MCU: variants seen among roughly 807,000 people sequenced by gnomAD.
The protein encoded by MCU is calcium uniporter protein, mitochondrial.
A neutral mutation model predicts 45.2 loss-of-function variants in MCU; 12 were observed. The ratio of observed to expected loss-of-function variants is 0.27; its 90% confidence interval spans 0.17 to 0.43. The LOEUF is 0.43. Ranked by LOEUF, MCU falls within the 20% of genes least tolerant of loss-of-function variation. The probability of loss-of-function intolerance (pLI) is 1.00; values close to 1 mark genes in which losing one functional copy is unlikely to be tolerated. For synonymous variants in MCU, 160 were observed against 165.1 expected (o/e 0.97, Z 0.24); for missense variants, 324 against 436.7 (o/e 0.74, Z 2.30).
At chr10:72,789,781 T>C (rs117141983) in intron 1 of MCU, among the ~76,000 whole-genome samples, 2,154 of 152,322 alleles carry the variant, frequency 0.014, 26 homozygotes, top group Middle Eastern at 0.041. Flanking sequence ...TCTTAATCTT[T>C]GTAACCTTCC....
chr10:72,876,741 AGGT>A (rs1467098901), intron 6 of MCU, among the ~76,000 whole-genome samples: 6 of 152,194 alleles, frequency 3.9e-5, no homozygotes, highest in Admixed American at 6.5e-5. Context: ...TTCCAAGAAG[AGGT>A]GGCATTTTCC....
Position 72,742,138 on chromosome 10 carries a change from A to AT in MCU, c.150+49838dup, listed in dbSNP as rs569113373. ...TACTGTACCTTTTCTATGTTTAGAT[A>AT]TGCCAATATTTACCATTGTTTTACA... is the stretch of plus-strand genomic sequence containing the variant. On this transcript the variant is annotated intron_variant, in intron 1 of 7. Transcript: ENST00000373053. Among the ~76,000 whole-genome samples, 165 of 151,888 alleles carry AT rather than the reference A, an allele frequency of 1.1e-3. 1 individual carries two copies. The highest frequency in any genetic ancestry group is 3.8e-3 in the African/African-American group (157 of 41,442).
At chr10:72,702,848 G>A (rs774330377) in intron 1 of MCU, among the ~76,000 whole-genome samples, 4 of 152,046 alleles carry the variant, frequency 2.6e-5, no homozygotes. Context: ...GTGTGGTGGT[G>A]TGCGCCTGTA....
chr10:72,816,013 T>C lies in MCU; in HGVS notation c.151-18346T>C, dbSNP rs371242991. 5.3e-5 allele frequency among the ~76,000 whole-genome samples: 8 copies of C among 152,234 alleles called. No individual in the cohort carries two copies. In the South Asian group the frequency reaches 1.5e-3, roughly 28 times the overall value. The stretch of plus-strand genomic sequence containing the variant: ...GGCCAACATGGTGAAACCCCATCTC[T>C]ATTAAAAATACAAAAATATATGGTG... On this transcript the variant is annotated intron_variant, in intron 1 of 7. Coordinates refer to ENST00000373053, the MANE Select transcript of MCU (RefSeq NM_138357.3).
chr10:72,692,765 C>G, intron 1 of MCU: 1 of 1,365,288 alleles, frequency 7.3e-7, no homozygotes, highest in Non-Finnish European at 9.4e-7. Flanking sequence ...TGCCATGCTG[C>G]TGGGAGCTGC....
intron 5 of MCU, 145 bp downstream of exon 5, chr10:72,869,008 G>A: frequency 1.2e-6 from 1 of 833,896 alleles, no homozygotes; most frequent in Non-Finnish European, 1.8e-6. Context: ...CCATAAAAAA[G>A]TTTAAGTCAA....
chr10:72,854,721 C>T (rs1845261039), intron 2 of MCU, among the ~76,000 whole-genome samples: 1 of 152,110 alleles, frequency 6.6e-6, no homozygotes, highest in Non-Finnish European at 1.5e-5. Flanking sequence ...GGTTGGCGAC[C>T]CCCTAACCTA....
intron 6 of MCU, among the ~76,000 whole-genome samples, chr10:72,877,154 C>G (rs1232575033): frequency 1.3e-5 from 2 of 152,106 alleles, no homozygotes. Flanking sequence ...CTCCTGAGCT[C>G]CAGTGATCCT....
intron 1 of MCU, among the ~76,000 whole-genome samples, chr10:72,824,197 CT>C (rs35710019): frequency 0.46 from 62,768 of 135,076 alleles, 16,189 homozygotes; most frequent in Non-Finnish European, 0.64. Flanking sequence ...TGATTTCTTT[CT>C]TTTTTTTTTT....
chr10:72,859,246 G>C lies in MCU; in HGVS notation c.290G>C (p.Cys97Ser). ...AGGCTACCATCCCGGCGTGAACGCT[G>C]TCAGTTCACACTCAAGCCTATCTCT... Reference protein sequence around the residue: ...SVRLPSRRERCQFTLKPISDS... With the variant: ...SVRLPSRRERSQFTLKPISDS... Residue 97 changes from cysteine to serine, a missense_variant, in exon 3 of 8, where the codon TGT becomes TCT. Around this residue, in one of 4 missense-constraint regions of MCU, gnomAD observed 135 missense variants for 207.3 expected, o/e 0.65. Transcript: ENST00000373053. 3 of 1,613,156 alleles carry C rather than the reference G, an allele frequency of 1.9e-6. No individual in the cohort carries two copies. The highest frequency in any genetic ancestry group is 1.7e-5 in the Admixed American group (1 of 59,778).
chr10:72,845,258 A>T (rs903297432), intron 2 of MCU, among the ~76,000 whole-genome samples: 1 of 152,184 alleles, frequency 6.6e-6, no homozygotes, highest in African/African-American at 2.4e-5. Flanking sequence ...TAAGTTCCAG[A>T]TGAATTAAGG....
chr10:72,701,583 G>C (rs1443740145), intron 1 of MCU, among the ~76,000 whole-genome samples: 3 of 152,134 alleles, frequency 2.0e-5, no homozygotes, highest in African/African-American at 7.2e-5. Flanking sequence ...CTGGAGTGCA[G>C]TGGTGCGATC....
intron 2 of MCU, among the ~76,000 whole-genome samples, chr10:72,841,507 A>G (rs1191382923): frequency 6.6e-6 from 1 of 152,128 alleles, no homozygotes; most frequent in Non-Finnish European, 1.5e-5. Context: ...CGTGTTGGCC[A>G]GGCTGTTCTC....
chr10:72,790,525 T>C (rs1249241227), intron 1 of MCU, among the ~76,000 whole-genome samples: 1 of 152,232 alleles, frequency 6.6e-6, no homozygotes, highest in African/African-American at 2.4e-5. Context: ...GACTGCAACA[T>C]AATTCTGATG....
chr10:72,854,310 T>C (rs1845254557), intron 2 of MCU, among the ~76,000 whole-genome samples: 2 of 151,674 alleles, frequency 1.3e-5, no homozygotes, highest in Non-Finnish European at 2.9e-5. Context: ...AGTAAAAGTT[T>C]TAAAAAGGCA....
chr10:72,809,750 A>G (rs1844509411), intron 1 of MCU, among the ~76,000 whole-genome samples: 1 of 152,226 alleles, frequency 6.6e-6, no homozygotes, highest in African/African-American at 2.4e-5. Context: ...AACAAGGGCA[A>G]AGAATAAGCC....
chr10:72,807,357 ACTT>A (rs1175150116), intron 1 of MCU, among the ~76,000 whole-genome samples: 2 of 151,836 alleles, frequency 1.3e-5, no homozygotes, highest in African/African-American at 2.4e-5. Context: ...TGCCAAGTGC[ACTT>A]CTTCTGAAAT....
At chr10:72,778,977 T>C (rs181265795) in intron 1 of MCU, among the ~76,000 whole-genome samples, 2 of 152,246 alleles carry the variant, frequency 1.3e-5, no homozygotes, top group African/African-American at 4.8e-5. Context: ...ATTTTCTTTT[T>C]CTTTTTTTTT....
intron 1 of MCU, among the ~76,000 whole-genome samples, chr10:72,768,454 A>G (rs1226826185): frequency 6.6e-6 from 1 of 152,234 alleles, no homozygotes; most frequent in African/African-American, 2.4e-5. Context: ...TAGGCAAATC[A>G]GTCTTGAACA....
Sources: gnomAD v4.1 joint callset for allele counts (sites outside exome capture counted in the v4.1 genomes callset) on GRCh38, gnomAD v4.1.1 for gene constraint, gnomAD v4.1.1 regional missense constraint, MANE v1.5 for transcripts, NCBI Gene and HGNC (gene_info 2026-07-23, HGNC 2026-07-21) for gene names.